The following DOCK9 variants were observed in gnomAD, a reference collection of about 807,000 sequenced individuals.
The protein encoded by DOCK9 is dedicator of cytokinesis protein 9.
A neutral mutation model predicts 263.3 loss-of-function variants in DOCK9; 89 were observed. The observed-to-expected ratio is 0.34, with a 90% confidence interval of 0.28 to 0.40. DOCK9 has a LOEUF of 0.40. Ranked by LOEUF, DOCK9 falls within the 10% of genes least tolerant of loss-of-function variation. The pLI is 1.00. For synonymous variants in DOCK9, 976 were observed against 973.1 expected (o/e 1.00, Z -0.06); for missense variants, 2,140 against 2,603.4 (o/e 0.82, Z 3.87).
chr13:98,818,295 A>G (rs2092035648), intron 45 of DOCK9, among the ~76,000 whole-genome samples: 1 of 152,224 alleles, frequency 6.6e-6, no homozygotes, highest in South Asian at 2.1e-4. Flanking sequence ...TCAGTTTGAG[A>G]GACCATACAC....
At chr13:98,808,551 A>G in intron 47 of DOCK9, 1 of 881,092 alleles carries the variant, frequency 1.1e-6, no homozygotes, top group Non-Finnish European at 1.8e-6. Flanking sequence ...GCAAGCTAGC[A>G]TGAAACAAAA....
chr13:99,029,178 T>C (rs1887080878), intron 1 of DOCK9, among the ~76,000 whole-genome samples: 1 of 152,156 alleles, frequency 6.6e-6, no homozygotes, highest in Admixed American at 6.5e-5. Context: ...TTTCAGCACT[T>C]ACAGAACCAG....
intron 25 of DOCK9, 43 bp from the exon 26 acceptor site, chr13:98,880,715 A>G: frequency 1.2e-6 from 2 of 1,600,904 alleles, no homozygotes; most frequent in South Asian, 2.2e-5. Flanking sequence ...CTGGCTCTCC[A>G]ATGTGGGCTG....
At chr13:98,879,022 T>C (rs1170890594) in intron 27 of DOCK9, among the ~76,000 whole-genome samples, 1 of 152,172 alleles carries the variant, frequency 6.6e-6, no homozygotes, top group Admixed American at 6.5e-5. Flanking sequence ...AACCAGACCC[T>C]GCCTCCAAAC....
chr13:98,925,655 C>G (rs1031697536), intron 4 of DOCK9, among the ~76,000 whole-genome samples, 182 bp downstream of exon 4: 1 of 152,116 alleles, frequency 6.6e-6, no homozygotes, highest in Non-Finnish European at 1.5e-5. Context: ...CCTATCAATA[C>G]CAAAGTAGCA....
intron 1 of DOCK9, among the ~76,000 whole-genome samples, chr13:99,013,678 C>G (rs1157144421): frequency 2.0e-5 from 3 of 152,076 alleles, no homozygotes; most frequent in Non-Finnish European, 4.4e-5. Flanking sequence ...GTAGAAACAG[C>G]AAGGCAGCCT....
intron 1 of DOCK9, among the ~76,000 whole-genome samples, chr13:99,074,559 T>A (rs2041830308): frequency 6.6e-6 from 1 of 152,228 alleles, no homozygotes; most frequent in South Asian, 2.1e-4. Context: ...GGCAACTGTT[T>A]AAAGTCATTT....
At position 98,901,695 on chromosome 13, in the gene DOCK9, T is replaced by A. The variant is rs2048301926; in HGVS notation, c.1503+83A>T. On this transcript the variant is annotated intron_variant, in intron 13 of 52. Coordinates refer to ENST00000682017, the MANE Select transcript of DOCK9 (RefSeq NM_001366683.2). ...GAGTATAAATATGGCTTATGTTTGA[T>A]TTCATTAAGGATTTATAGTATCACA... 5 of 1,452,888 alleles carry A rather than the reference T, an allele frequency of 3.4e-6. No individual in the cohort carries two copies. The Admixed American group carries it at 1.2e-4, about 34-fold the overall frequency. The allele number at this position is 1,452,888 out of a possible 1,614,324, so 90.0% of individuals were successfully genotyped here.
intron 13 of DOCK9, among the ~76,000 whole-genome samples, chr13:98,899,527 T>C (rs1375112422): frequency 6.6e-6 from 1 of 152,190 alleles, no homozygotes; most frequent in Non-Finnish European, 1.5e-5. Flanking sequence ...CAGGGAATCA[T>C]CTAGGACCTC....
intron 27 of DOCK9, among the ~76,000 whole-genome samples, chr13:98,875,020 C>T (rs1334815154): frequency 6.6e-6 from 1 of 152,184 alleles, no homozygotes; most frequent in Non-Finnish European, 1.5e-5. Context: ...TACTCATTCT[C>T]CTATCCCTAG....
chr13:98,932,053 T>A (rs148357939), intron 2 of DOCK9, among the ~76,000 whole-genome samples: 1 of 152,102 alleles, frequency 6.6e-6, no homozygotes, highest in African/African-American at 2.4e-5. Flanking sequence ...GAAAGAAATA[T>A]TCTAGTTTTT....
At chr13:98,861,614 T>C (rs2093873737) in intron 32 of DOCK9, among the ~76,000 whole-genome samples, 1 of 152,204 alleles carries the variant, frequency 6.6e-6, no homozygotes, top group Admixed American at 6.5e-5. Context: ...AACTGAAATG[T>C]GACAAGAAAT....
At chr13:98,957,593 A>G (rs141866655) in intron 1 of DOCK9, among the ~76,000 whole-genome samples, 2,461 of 152,110 alleles carry the variant, frequency 0.016, 66 homozygotes, top group African/African-American at 0.055. Context: ...TTATTTTTAA[A>G]TAAGAATTGC....
intron 37 of DOCK9, among the ~76,000 whole-genome samples, chr13:98,848,214 T>C (rs995286200): frequency 2.0e-5 from 3 of 152,076 alleles, no homozygotes; most frequent in Non-Finnish European, 4.4e-5. Context: ...ACAGTCAAAA[T>C]GACCTTGGAA....
chr13:98,969,745 C>A (rs1173315436), intron 1 of DOCK9, among the ~76,000 whole-genome samples: 1 of 152,176 alleles, frequency 6.6e-6, no homozygotes, highest in Non-Finnish European at 1.5e-5. Flanking sequence ...ATGATTTTAT[C>A]CTTTTAACCA....
chr13:98,925,689 C>T (rs915044026), intron 4 of DOCK9, 148 bp downstream of exon 4: 53 of 490,584 alleles, frequency 1.1e-4, no homozygotes, highest in Admixed American at 6.8e-4. Flanking sequence ...CAATCAAAGG[C>T]CCTGTAAACA....
chr13:98,974,748 CAAAA>C (rs57196019), intron 1 of DOCK9, among the ~76,000 whole-genome samples: 3 of 33,206 alleles, frequency 9.0e-5, no homozygotes, highest in Non-Finnish European at 1.7e-4. Context: ...AACTCTGTCT[CAAAA>C]AAAAAAAAAA....
chr13:98,805,299 G>T, intron 48 of DOCK9, 90 bp from the exon 49 acceptor site: 1 of 1,098,078 alleles, frequency 9.1e-7, no homozygotes, highest in Non-Finnish European at 1.3e-6. Context: ...CATTTTATTT[G>T]TAAATATAAC....
At chr13:98,865,652 C>G (rs1184559979) in intron 30 of DOCK9, among the ~76,000 whole-genome samples, 1 of 152,196 alleles carries the variant, frequency 6.6e-6, no homozygotes, top group African/African-American at 2.4e-5. Context: ...CACACATTCA[C>G]TACACAGCCA....
Sources: allele counts gnomAD v4.1 joint callset (sites outside exome capture counted in the v4.1 genomes callset), GRCh38; gene constraint gnomAD v4.1.1; transcripts MANE v1.5; gene names NCBI Gene and HGNC (gene_info 2026-07-23, HGNC 2026-07-21).